CDKAL1: variants seen among roughly 807,000 people sequenced by gnomAD.
CDKAL1 encodes CDKAL1 threonylcarbamoyladenosine tRNA methylthiotransferase, also known as threonylcarbamoyladenosine tRNA methylthiotransferase.
Under a neutral mutation model 68.2 loss-of-function variants are expected in CDKAL1, and 32 were observed. The ratio of observed to expected loss-of-function variants is 0.47; its 90% CI spans 0.35 to 0.63. The LOEUF is 0.63. CDKAL1 is among the 30% of genes least tolerant of loss of function. The pLI, the probability that CDKAL1 is intolerant of heterozygous loss-of-function variation, is 0.00. For synonymous variants in CDKAL1, 234 were observed against 244.3 expected (o/e 0.96, Z 0.39); for missense variants, 606 against 696.7 (o/e 0.87, Z 1.47).
intron 4 of CDKAL1, among the ~76,000 whole-genome samples, chr6:20,617,525 G>T (rs1489787488): frequency 1.3e-5 from 2 of 152,090 alleles, no homozygotes; most frequent in Non-Finnish European, 2.9e-5. Context: ...CTGTTAACTG[G>T]TCATTTACAT....
chr6:21,125,433 G>A (rs1562051748), intron 13 of CDKAL1, among the ~76,000 whole-genome samples: 1 of 152,128 alleles, frequency 6.6e-6, no homozygotes, highest in Non-Finnish European at 1.5e-5. Flanking sequence ...AGCACTTTGG[G>A]AGGCCAAGGC....
At chr6:20,819,656 G>A (rs1297542151) in intron 8 of CDKAL1, among the ~76,000 whole-genome samples, 6 of 151,884 alleles carry the variant, frequency 4.0e-5, no homozygotes, top group African/African-American at 7.3e-5. Flanking sequence ...GTGCTATATC[G>A]AACGCTTTGG....
chr6:21,206,905 TTTTGA>T lies in CDKAL1; in HGVS notation c.1548+5635_1548+5639del, dbSNP rs535851541. Among the ~76,000 whole-genome samples, 315 of 150,366 alleles carry T rather than the reference TTTTGA, an allele frequency of 2.1e-3. 1 individual carries two copies. Among genetic ancestry groups the T allele is most frequent in the African/African-American group, 7.4e-3 (305 of 41,172 alleles). On this transcript the variant is annotated intron_variant, in intron 15 of 15. Coordinates refer to ENST00000274695, the MANE Select transcript of CDKAL1 (RefSeq NM_017774.3). Reference sequence around the variant, plus strand: ...AAAAGCAGTGGTTTCCTGGCTTTTATTTTGATTTCTTTTACTTTAATTTCTTTTTT... The same window carrying T: ...AAAAGCAGTGGTTTCCTGGCTTTTATTTTCTTTTACTTTAATTTCTTTTTT...
At chr6:20,853,688 T>C (rs1189161031) in intron 9 of CDKAL1, among the ~76,000 whole-genome samples, 2 of 152,200 alleles carry the variant, frequency 1.3e-5, no homozygotes, top group African/African-American at 4.8e-5. Context: ...AACAATTACA[T>C]CACAATTTCC....
At chr6:20,841,325 G>A (rs922068861) in intron 8 of CDKAL1, among the ~76,000 whole-genome samples, 16 of 152,062 alleles carry the variant, frequency 1.1e-4, no homozygotes, top group African/African-American at 3.6e-4. Context: ...TGTCACATTA[G>A]TCACCTTTTT....
chr6:20,632,208 A>G (rs527389358), intron 4 of CDKAL1, among the ~76,000 whole-genome samples: 8 of 152,290 alleles, frequency 5.3e-5, no homozygotes, highest in East Asian at 3.9e-4. Context: ...AAATTAGCCT[A>G]TAATTGGGCA....
intron 9 of CDKAL1, among the ~76,000 whole-genome samples, chr6:20,933,895 T>C (rs1484697281): frequency 6.6e-6 from 1 of 151,842 alleles, no homozygotes; most frequent in Non-Finnish European, 1.5e-5. Context: ...TAGAGATTTC[T>C]AATCTAGGCT....
chr6:20,898,573 A>G (rs2150592569), intron 9 of CDKAL1, among the ~76,000 whole-genome samples: 1 of 151,912 alleles, frequency 6.6e-6, no homozygotes, highest in South Asian at 2.1e-4. Context: ...ATTGATGGTA[A>G]CTATTTTTCT....
intron 4 of CDKAL1, among the ~76,000 whole-genome samples, chr6:20,552,679 G>A (rs1285839384): frequency 7.0e-6 from 1 of 142,756 alleles, no homozygotes; most frequent in Non-Finnish European, 1.5e-5. Flanking sequence ...ATATGTATTT[G>A]TATTAATTTT....
At chr6:20,619,831 A>G (rs1767095892) in intron 4 of CDKAL1, among the ~76,000 whole-genome samples, 1 of 152,204 alleles carries the variant, frequency 6.6e-6, no homozygotes. Context: ...GATTAAATTA[A>G]AATGAAATTT....
chr6:20,805,549 A>G (rs1174309787), intron 8 of CDKAL1, among the ~76,000 whole-genome samples: 1 of 152,246 alleles, frequency 6.6e-6, no homozygotes, highest in African/African-American at 2.4e-5. Context: ...ATTAGATGGC[A>G]AAGCGTTGTG....
chr6:20,786,103 T>G (rs1457409727), intron 8 of CDKAL1, among the ~76,000 whole-genome samples: 1 of 152,106 alleles, frequency 6.6e-6, no homozygotes, highest in Non-Finnish European at 1.5e-5. Context: ...TGCGTGCCTG[T>G]AATCCCAGCT....
intron 4 of CDKAL1, among the ~76,000 whole-genome samples, chr6:20,645,759 T>TAA (rs999782672): frequency 0.017 from 2,288 of 131,002 alleles, 60 homozygotes; most frequent in African/African-American, 0.054. Flanking sequence ...TAAATAAAAA[T>TAA]AAATAAATAA....
chr6:21,084,259 C>T (rs1772576068), intron 12 of CDKAL1, among the ~76,000 whole-genome samples: 1 of 151,916 alleles, frequency 6.6e-6, no homozygotes, highest in African/African-American at 2.4e-5. Context: ...AGTTTTAAGT[C>T]CTTAGACTAT....
intron 9 of CDKAL1, among the ~76,000 whole-genome samples, chr6:20,902,347 ACACACACAC>A (rs750313709): frequency 2.9e-5 from 3 of 103,584 alleles, no homozygotes; most frequent in East Asian, 2.3e-4. Context: ...ACACACACAC[ACACACACAC>A]ACAATGTGTT....
chr6:21,197,818 C>T (rs939833157), intron 13 of CDKAL1, among the ~76,000 whole-genome samples: 3 of 152,090 alleles, frequency 2.0e-5, no homozygotes, highest in Admixed American at 2.0e-4. Flanking sequence ...TTTATGTTGC[C>T]AGATAATTAA....
chr6:20,946,235 T>C (rs1277666340), intron 9 of CDKAL1, among the ~76,000 whole-genome samples: 1 of 152,174 alleles, frequency 6.6e-6, no homozygotes, highest in Non-Finnish European at 1.5e-5. Context: ...TCTCACTCAC[T>C]TCATTCTAAC....
chr6:21,220,198 G>A (rs568595826), intron 15 of CDKAL1, among the ~76,000 whole-genome samples: 14 of 146,556 alleles, frequency 9.6e-5, no homozygotes, highest in African/African-American at 1.9e-4. Context: ...TCGTGCGTGC[G>A]TGCGTGTGTG....
At chr6:20,836,581 G>C (rs985505774) in intron 8 of CDKAL1, among the ~76,000 whole-genome samples, 1 of 152,070 alleles carries the variant, frequency 6.6e-6, no homozygotes, top group East Asian at 1.9e-4. Context: ...GTTCTTTAAT[G>C]TTCTTATTTA....
Sources: gnomAD v4.1 joint callset for allele counts (sites outside exome capture counted in the v4.1 genomes callset) on GRCh38, gnomAD v4.1.1 for gene constraint, MANE v1.5 for transcripts, NCBI Gene and HGNC (gene_info 2026-07-23, HGNC 2026-07-21) for gene names.